ARHGAP22: variants seen among roughly 807,000 people sequenced by gnomAD.
ARHGAP22 encodes the protein rho GTPase-activating protein 22.
A neutral mutation model predicts 59.1 loss-of-function variants in ARHGAP22; 48 were observed. The observed-to-expected ratio is 0.81, with a 90% CI of 0.64 to 1.03. The LOEUF (loss-of-function observed/expected upper bound fraction) is 1.03, where lower values mean the gene tolerates loss of function less well. Among genes scored for constraint, ARHGAP22 ranks in the 50% least tolerant of loss-of-function variants. The pLI is 0.00. For missense variants in ARHGAP22, 1,015 were observed against 958.7 expected, an observed-to-expected ratio of 1.06 and a Z score of -0.78; for synonymous variants, 445 against 416.4, an observed-to-expected ratio of 1.07 and a Z score of -0.84.
rs540898579 is a variant in ARHGAP22 at position 48,507,585 on chromosome 10, G to A, written c.323-27821C>T. On this transcript the variant is annotated intron_variant, in intron 3 of 9. Coordinates refer to ENST00000249601, the MANE Select transcript of ARHGAP22 (RefSeq NM_021226.4). ...CGTGCAGGCACACAGAGTGAAAAGT[G>A]AAAAGTCAGTCTCCCTCCTGCCCCA... Among the ~76,000 whole-genome samples, 7 of 152,252 alleles carry A rather than the reference G, an allele frequency of 4.6e-5. No homozygotes were observed. The East Asian group carries it at 1.2e-3, about 25-fold the overall frequency.
intron 1 of ARHGAP22, among the ~76,000 whole-genome samples, chr10:48,636,170 G>T (rs1468752790): frequency 6.6e-6 from 1 of 152,234 alleles, no homozygotes; most frequent in African/African-American, 2.4e-5. Context: ...GGGTTAAGGG[G>T]TTAATGACAT....
rs147153800 is a variant in ARHGAP22 at position 48,461,067 on chromosome 10, TTGCACGA to T, written c.452-1183_452-1177del. Among the ~76,000 whole-genome samples, 1,227 of 152,304 alleles carry T rather than the reference TTGCACGA, an allele frequency of 8.1e-3. 13 individuals are homozygous for T. The highest frequency in any genetic ancestry group is 0.028 in the African/African-American group (1,178 of 41,564). On this transcript the variant is annotated intron_variant, in intron 4 of 9. Coordinates refer to ENST00000249601, the MANE Select transcript of ARHGAP22 (RefSeq NM_021226.4). Reference sequence around the variant, plus strand: ...TTCTGGAGATGGATAGTGCTGATGGTTGCACGATAATTGAAATGAATGTAATGCTGCT... The same window carrying T: ...TTCTGGAGATGGATAGTGCTGATGGTTAATTGAAATGAATGTAATGCTGCT...
chr10:48,522,977 A>C (rs1321523465), intron 3 of ARHGAP22, among the ~76,000 whole-genome samples: 1 of 152,242 alleles, frequency 6.6e-6, no homozygotes, highest in Non-Finnish European at 1.5e-5. Context: ...AGTATTATAT[A>C]TGTTATAAGC....
At chr10:48,655,064 C>CT (rs1295339670), upstream of ARHGAP22, among the ~76,000 whole-genome samples, 23 of 33,846 alleles carry the variant, frequency 6.8e-4, no homozygotes, top group Non-Finnish European at 1.2e-3. Flanking sequence ...CTCCTTCCTT[C>CT]CCTCCTTCTC....
At chr10:48,459,542 C>T in intron 5 of ARHGAP22, 142 bp downstream of exon 5, 1 of 947,956 alleles carries the variant, frequency 1.1e-6, no homozygotes, top group Non-Finnish European at 1.7e-6. Context: ...TGAGGGTGTG[C>T]CCTACACTCT....
intron 3 of ARHGAP22, among the ~76,000 whole-genome samples, chr10:48,509,797 C>A (rs924348865): frequency 6.6e-6 from 1 of 152,182 alleles, no homozygotes; most frequent in African/African-American, 2.4e-5. Flanking sequence ...GACTTCCAGG[C>A]TCTGAAGACG....
At chr10:48,543,023 A>T (rs1334561887) in intron 3 of ARHGAP22, among the ~76,000 whole-genome samples, 1 of 152,084 alleles carries the variant, frequency 6.6e-6, no homozygotes, top group Admixed American at 6.5e-5. Context: ...TGGGAGAGGG[A>T]CCTGGCTGCT....
chr10:48,629,154 C>T (rs1010698378), intron 1 of ARHGAP22, among the ~76,000 whole-genome samples: 8 of 152,184 alleles, frequency 5.3e-5, no homozygotes, highest in African/African-American at 1.9e-4. Context: ...AGACACACTA[C>T]CTTCCTAGGG....
chr10:48,478,889 G>C (rs377037741), intron 4 of ARHGAP22, among the ~76,000 whole-genome samples: 8 of 152,034 alleles, frequency 5.3e-5, no homozygotes, highest in African/African-American at 1.9e-4. Context: ...TCCCTCTATG[G>C]TCCACTCCTC....
At chr10:48,634,751 C>G (rs754216182) in intron 1 of ARHGAP22, among the ~76,000 whole-genome samples, 5 of 152,130 alleles carry the variant, frequency 3.3e-5, no homozygotes, top group Non-Finnish European at 7.4e-5. Flanking sequence ...AGCCTAACCC[C>G]CACCGCCCCA....
intron 4 of ARHGAP22, among the ~76,000 whole-genome samples, chr10:48,478,416 G>A (rs966369603): frequency 6.6e-6 from 1 of 152,214 alleles, no homozygotes; most frequent in African/African-American, 2.4e-5. Context: ...CCAGGGGTGG[G>A]AGAGGAGAGT....
At chr10:48,594,042 C>A (rs2059923617) in intron 1 of ARHGAP22, among the ~76,000 whole-genome samples, 2 of 152,264 alleles carry the variant, frequency 1.3e-5, no homozygotes, top group Non-Finnish European at 2.9e-5. Context: ...GGAGCTGGAT[C>A]CCCTTACAGG....
intron 1 of ARHGAP22, among the ~76,000 whole-genome samples, chr10:48,613,311 CA>C (rs1416633740): frequency 6.6e-6 from 1 of 152,068 alleles, no homozygotes; most frequent in Non-Finnish European, 1.5e-5. Context: ...ATCTAGTTTC[CA>C]AATACCCTCA....
At chr10:48,617,228 GAGAT>G (rs2061115240) in intron 1 of ARHGAP22, among the ~76,000 whole-genome samples, 1 of 152,008 alleles carries the variant, frequency 6.6e-6, no homozygotes. Context: ...GCTAAAGAGA[GAGAT>G]AGACCCCAAA....
chr10:48,539,360 C>A (rs1322443092), intron 3 of ARHGAP22, among the ~76,000 whole-genome samples: 3 of 141,570 alleles, frequency 2.1e-5, no homozygotes, highest in Admixed American at 7.1e-5. Context: ...GGCGCGATCT[C>A]GGCTCACTGC....
chr10:48,530,256 A>AAAAAAAAAAAC (rs1309275797), intron 3 of ARHGAP22, among the ~76,000 whole-genome samples: 2 of 151,360 alleles, frequency 1.3e-5, no homozygotes, highest in East Asian at 1.9e-4. Context: ...AAAAAAAAAA[A>AAAAAAAAAAAC]AAAAATCAAC....
Position 48,504,369 on chromosome 10 carries a change from G to C in ARHGAP22, c.323-24605C>G, listed in dbSNP as rs576553581. ...GCAGGATGCTGTGCTTGACATATGGGGTGGCCTGGATGGGGTGTGTGGGTG... is the reference window on the plus strand; with the variant it reads ...GCAGGATGCTGTGCTTGACATATGGCGTGGCCTGGATGGGGTGTGTGGGTG... On this transcript the variant is annotated intron_variant, in intron 3 of 9. Coordinates refer to ENST00000249601, the MANE Select transcript of ARHGAP22 (RefSeq NM_021226.4). 4.6e-5 allele frequency among the ~76,000 whole-genome samples: 7 copies of C among 152,304 alleles called. No homozygotes were observed. The South Asian group carries it at 1.4e-3, about 32-fold the overall frequency.
chr10:48,496,055 C>G (rs1393534292), intron 3 of ARHGAP22, among the ~76,000 whole-genome samples: 1 of 152,134 alleles, frequency 6.6e-6, no homozygotes, highest in African/African-American at 2.4e-5. Flanking sequence ...CTGTGAGAGC[C>G]CCCAAGCTAC....
chr10:48,587,209 G>A (rs2059481704), intron 1 of ARHGAP22, among the ~76,000 whole-genome samples: 1 of 152,198 alleles, frequency 6.6e-6, no homozygotes, highest in Non-Finnish European at 1.5e-5. Context: ...TCCATCTCAA[G>A]CCAGCAAGGG....
Sources: gnomAD v4.1 joint callset for allele counts (sites outside exome capture counted in the v4.1 genomes callset) on GRCh38, gnomAD v4.1.1 for gene constraint, MANE v1.5 for transcripts, NCBI Gene and HGNC (gene_info 2026-07-23, HGNC 2026-07-21) for gene names.